The following ZNF284 variants were observed in gnomAD, a reference collection of about 807,000 sequenced individuals.
ZNF284 encodes zinc finger protein 284.
ZNF284 carries 12 observed loss-of-function variants against 12.9 expected under a neutral mutation model. The ratio of observed to expected loss-of-function variants is 0.93; its 90% confidence interval spans 0.60 to 1.51. The LOEUF is 1.51. Among genes scored for constraint, ZNF284 ranks in the 40% most tolerant of loss-of-function variants. The probability of loss-of-function intolerance (pLI) is 0.00; values close to 1 mark genes in which losing one functional copy is unlikely to be tolerated. For synonymous variants in ZNF284, 225 were observed against 236.5 expected, an observed-to-expected ratio of 0.95 and a Z score of 0.45; for missense variants, 667 against 707.3, an observed-to-expected ratio of 0.94 and a Z score of 0.65.
rs1432258500 is a variant in ZNF284 at position 44,083,483 on chromosome 19, AGAGAGAGAGAGAGAGAGAGG to A, written c.235+1381_235+1400del. ...TATATATATATATATATAGAGAGAGAGAGAGAGAGAGAGAGAGAGGGAATGGAATACCATCCTATCTTTAC... is the reference window on the plus strand; with the variant it reads ...TATATATATATATATATAGAGAGAGAGAATGGAATACCATCCTATCTTTAC... On this transcript the variant is annotated intron_variant, in intron 4 of 4. Transcript: ENST00000421176. 6.4e-3 allele frequency among the ~76,000 whole-genome samples: 624 copies of A among 97,168 alleles called. 63 individuals carry two copies. The highest frequency in any genetic ancestry group is 0.011 in the African/African-American group (307 of 28,238). The allele number at this position is 97,168 out of a possible 152,430, so 63.7% of individuals were successfully genotyped here.
chr19:44,085,563 C>T (rs4803675), intron 4 of ZNF284, 151 bp from the exon 5 acceptor site: 377,904 of 649,362 alleles, frequency 0.58, 116,116 homozygotes, highest in Non-Finnish European at 0.65. Flanking sequence ...AAATTGGTTT[C>T]GTGACAACGA....
In ZNF284 at chr19:44,081,380, A is replaced by G. The variant is rs568944442; in HGVS notation, c.142+239A>G. On this transcript the variant is annotated intron_variant, in intron 3 of 4. Transcript: ENST00000421176. The stretch of plus-strand genomic sequence containing the variant: ...GGCACCTTTTTCATATTGCAGCAGG[A>G]AGAAGTGCCGAGCAAAGGGGAAAAG... Among the ~76,000 whole-genome samples the G allele has an allele frequency of 1.4e-3, 209 of 152,290 alleles. 2 individuals carry two copies. Among genetic ancestry groups the G allele is most frequent in the African/African-American group, 4.9e-3 (202 of 41,568 alleles).
In ZNF284 at chr19:44,086,825, C is replaced by G; in HGVS notation, c.1347C>G (p.His449Gln). Residue 449 changes from histidine to glutamine, a missense_variant, in exon 5 of 5, where the codon CAC becomes CAG. By Grantham distance (24) the His-to-Gln change is conservative. Coordinates refer to ENST00000421176, the MANE Select transcript of ZNF284 (RefSeq NM_001037813.4). ...ATCTTGACTTGCACCAGAGGGTCCA[C>G]ACGGGAGAGAGACCTTATAATTGTA... Reference protein sequence around the residue: ...KFNLDLHQRVHTGERPYNCKE... With the variant: ...KFNLDLHQRVQTGERPYNCKE... 1 of 1,614,100 alleles carries G rather than the reference C, an allele frequency of 6.2e-7. No individual in the cohort carries two copies. The highest frequency in any genetic ancestry group is 8.5e-7 in the Non-Finnish European group (1 of 1,180,024).
chr19:44,084,662 C>G (rs2147506856), intron 4 of ZNF284, among the ~76,000 whole-genome samples: 1 of 152,230 alleles, frequency 6.6e-6, no homozygotes, highest in South Asian at 2.1e-4. Flanking sequence ...GTATGGGACA[C>G]TATGTGGCCT....
At chr19:44,084,802 G>A (rs1967199620) in intron 4 of ZNF284, among the ~76,000 whole-genome samples, 1 of 152,154 alleles carries the variant, frequency 6.6e-6, no homozygotes, top group Non-Finnish European at 1.5e-5. Flanking sequence ...CCCAGGGCAA[G>A]ATGCAGTCTG....
chr19:44,081,266 A>G, intron 3 of ZNF284, 125 bp downstream of exon 3: 1 of 1,221,560 alleles, frequency 8.2e-7, no homozygotes, highest in Non-Finnish European at 1.1e-6. Context: ...TAATTTATAA[A>G]GAAAAGACAT....
At chr19:44,083,920 A>G (rs749701209) in intron 4 of ZNF284, among the ~76,000 whole-genome samples, 1 of 151,870 alleles carries the variant, frequency 6.6e-6, no homozygotes, top group South Asian at 2.1e-4. Flanking sequence ...CACTAGGAGG[A>G]GTATACAGAT....
In ZNF284 at chr19:44,086,327, G is replaced by A. The variant is rs778919090; in HGVS notation, c.849G>A (p.Gly283=). The A allele has an allele frequency of 1.9e-6, 3 of 1,614,036 alleles. No homozygotes were observed. Among genetic ancestry groups the A allele is most frequent in the East Asian group, 2.2e-5 (1 of 44,868 alleles). The part of the protein sequence containing the change: ...QLREHQRIHT[G]EKPFKCYICG... ...GGGAACATCAAAGAATCCATACTGG[G>A]GAGAAGCCATTCAAATGTTATATAT... Residue 283 remains glycine (G), a synonymous_variant, in exon 5 of 5, where the codon GGG becomes GGA. Transcript: ENST00000421176.
At position 44,087,388 on chromosome 19, in the gene ZNF284, T is replaced by C. The variant is rs1967279519; in HGVS notation, c.*128T>C. 1 of 841,222 alleles carries C rather than the reference T, an allele frequency of 1.2e-6. No individual in the cohort carries two copies. The highest frequency in any genetic ancestry group is 1.7e-5 in the African/African-American group (1 of 58,576). The allele number at this position is 841,222 out of a possible 1,614,324, so 52.1% of individuals were successfully genotyped here. ...TATTTGTGGATCATTTATCATTTCT[T>C]TGTGCTTTGAACGTTCAAAAACTGC... On this transcript the variant is annotated 3_prime_UTR_variant, in exon 5 of 5. Coordinates refer to ENST00000421176, the MANE Select transcript of ZNF284 (RefSeq NM_001037813.4).
In ZNF284 at chr19:44,088,385, G is replaced by A. The variant is rs554087102; in HGVS notation, c.*1125G>A. 2.0e-5 allele frequency: 3 copies of A among 152,300 alleles called. No individual in the cohort carries two copies. Among genetic ancestry groups the A allele is most frequent in the East Asian group, 1.9e-4 (1 of 5,188 alleles). The allele number at this position is 152,300 out of a possible 1,614,324, so 9.4% of individuals were successfully genotyped here. ...TTATTATTTTTTATGGTTAAATAGT[G>A]TACCTTTGTGTATGTATGCCACATT... On this transcript the variant is annotated 3_prime_UTR_variant, in exon 5 of 5. Coordinates refer to ENST00000421176, the MANE Select transcript of ZNF284 (RefSeq NM_001037813.4).
chr19:44,081,457 A>G (rs759864319), intron 3 of ZNF284, among the ~76,000 whole-genome samples: 4 of 151,950 alleles, frequency 2.6e-5, no homozygotes, highest in Non-Finnish European at 2.9e-5. Context: ...CATGCCTGTA[A>G]TCCCAGCACT....
Position 44,083,474 on chromosome 19 carries a change from T to TAGAGAGAG in ZNF284, c.235+1390_235+1397dup, listed in dbSNP as rs60441974. Among the ~76,000 whole-genome samples the TAGAGAGAG allele has an allele frequency of 1.1e-3, 72 of 64,906 alleles. 5 individuals carry two copies. Among genetic ancestry groups the TAGAGAGAG allele is most frequent in the East Asian group, 2.7e-3 (8 of 2,948 alleles). 42.6% of individuals were successfully genotyped at this position (64,906 alleles called of 152,430 possible). ...AAATATATATATATATATATATATA[T>TAGAGAGAG]AGAGAGAGAGAGAGAGAGAGAGAGA... On this transcript the variant is annotated intron_variant, in intron 4 of 4. Transcript: ENST00000421176.
intron 2 of ZNF284, among the ~76,000 whole-genome samples, chr19:44,078,603 G>A (rs180921192): frequency 8.2e-4 from 125 of 151,896 alleles, no homozygotes; most frequent in Admixed American, 1.9e-3. Context: ...CTAGGACTAC[G>A]GGCACGCACC....
intron 2 of ZNF284, among the ~76,000 whole-genome samples, chr19:44,078,171 T>A (rs146304151): frequency 5.5e-4 from 84 of 152,320 alleles, no homozygotes; most frequent in Admixed American, 1.4e-3. Flanking sequence ...AATACATTAA[T>A]TGGTAAATTT....
At position 44,086,364 on chromosome 19, in the gene ZNF284, T is replaced by C; in HGVS notation, c.886T>C (p.Phe296Leu). The change falls in exon 5 of 5, where the codon TTC becomes CTC. Residue 296 changes from phenylalanine to leucine, a missense_variant. Physicochemically the swap from Phe to Leu is conservative, Grantham distance 22. Transcript: ENST00000421176. ...PFKCYICGKS[F>L]HSRSNLNRHS... ...CAAATGTTATATATGTGGTAAGAGC[T>C]TCCATAGTAGATCAAATCTTAATAG... 2 of 1,614,158 alleles carry C rather than the reference T, an allele frequency of 1.2e-6. No homozygotes were observed. The highest frequency in any genetic ancestry group is 1.1e-5 in the South Asian group (1 of 91,080).
intron 1 of ZNF284, 40 bp from the exon 2 acceptor site, chr19:44,076,282 T>C (rs1248818525): frequency 8.5e-7 from 1 of 1,173,438 alleles, no homozygotes; most frequent in Non-Finnish European, 1.2e-6. Flanking sequence ...CACCCCTTCA[T>C]GTCTCTTTTT....
Position 44,086,820 on chromosome 19 carries a change from G to T in ZNF284, c.1342G>T (p.Val448Phe). Residue 448 changes from valine (V) to phenylalanine (F), a missense_variant, in exon 5 of 5, where the codon GTC becomes TTC. Transcript: ENST00000421176. Reference sequence around the variant, plus strand: ...GTTTAATCTTGACTTGCACCAGAGGGTCCACACGGGAGAGAGACCTTATAA... The same window carrying T: ...GTTTAATCTTGACTTGCACCAGAGGTTCCACACGGGAGAGAGACCTTATAA... ...SKFNLDLHQR[V>F]HTGERPYNCK... 1.9e-6 allele frequency: 3 copies of T among 1,614,132 alleles called. No individual in the cohort carries two copies. Among genetic ancestry groups the T allele is most frequent in the African/African-American group, 1.3e-5 (1 of 75,026 alleles).
Position 44,087,331 on chromosome 19 carries a change from T to G in ZNF284, c.*71T>G. 8.8e-7 allele frequency: 1 copy of G among 1,132,970 alleles called. No individual in the cohort carries two copies. The highest frequency in any genetic ancestry group is 1.2e-6 in the Non-Finnish European group (1 of 829,884). The allele number at this position is 1,132,970 out of a possible 1,614,324, so 70.2% of individuals were successfully genotyped here. ...ACAATGTATAATGATCAAATCAGTG[T>G]TATTAGCATATCCATCACCTCCTTT... On this transcript the variant is annotated 3_prime_UTR_variant, in exon 5 of 5. Coordinates refer to ENST00000421176, the MANE Select transcript of ZNF284 (RefSeq NM_001037813.4).
rs1181731305 is a variant in ZNF284 at position 44,086,484 on chromosome 19, G to A, written c.1006G>A (p.Asp336Asn). The A allele has an allele frequency of 1.2e-6, 2 of 1,614,126 alleles. No homozygotes were observed. The highest frequency in any genetic ancestry group is 1.7e-5 in the Admixed American group (1 of 60,028). The part of the protein sequence containing the change: ...QRSALNSHCM[D>N]HTKEKLYKCE... ...ATCAGCACTTAATAGTCATTGCATG[G>A]ACCACACAAAAGAGAAACTATACAA... The change falls in exon 5 of 5, where the codon GAC (aspartate) becomes AAC (asparagine). Residue 336 changes from aspartate (D) to asparagine (N), a missense_variant. Coordinates refer to ENST00000421176, the MANE Select transcript of ZNF284 (RefSeq NM_001037813.4).
Sources: gnomAD v4.1 joint callset for allele counts (sites outside exome capture counted in the v4.1 genomes callset) on GRCh38, gnomAD v4.1.1 for gene constraint, MANE v1.5 for transcripts, NCBI Gene and HGNC (gene_info 2026-07-23, HGNC 2026-07-21) for gene names.